The following CRTAM variants were observed in gnomAD, a reference collection of about 807,000 sequenced individuals.
CRTAM encodes the protein cytotoxic and regulatory T cell molecule.
Under a neutral mutation model 50.0 loss-of-function variants are expected in CRTAM, and 44 were observed. The ratio of observed to expected loss-of-function variants is 0.88; its 90% CI spans 0.69 to 1.13. The LOEUF is 1.13. Among genes scored for constraint, CRTAM ranks in the 50% most tolerant of loss-of-function variants. The probability of loss-of-function intolerance (pLI) is 0.00; values close to 1 mark genes in which losing one functional copy is unlikely to be tolerated. For synonymous variants in CRTAM, 159 were observed against 169.3 expected (o/e 0.94, Z 0.47); for missense variants, 448 against 457.5 (o/e 0.98, Z 0.19).
At chr11:122,842,064 A>G (rs1398661895) in intron 1 of CRTAM, among the ~76,000 whole-genome samples, 2 of 152,182 alleles carry the variant, frequency 1.3e-5, no homozygotes, top group African/African-American at 4.8e-5. Flanking sequence ...AGAAAAAGAC[A>G]AACTATCTTC....
At chr11:122,843,145 A>G (rs1342708039) in intron 1 of CRTAM, among the ~76,000 whole-genome samples, 2 of 152,234 alleles carry the variant, frequency 1.3e-5, no homozygotes, top group African/African-American at 4.8e-5. Flanking sequence ...ACTTTGGTAG[A>G]TGGCTGTTAC....
chr11:122,867,676 G>A, intron 8 of CRTAM, 121 bp downstream of exon 8: 1 of 989,170 alleles, frequency 1.0e-6, no homozygotes, highest in Non-Finnish European at 1.5e-6. Flanking sequence ...GATAAGTGCT[G>A]TCTCAGATAA....
chr11:122,870,219 T>C (rs111536836), intron 9 of CRTAM, among the ~76,000 whole-genome samples: 2,337 of 152,214 alleles, frequency 0.015, 66 homozygotes, highest in African/African-American at 0.053. Context: ...TAGCTGGGAC[T>C]ACAGGCACGC....
intron 6 of CRTAM, among the ~76,000 whole-genome samples, chr11:122,863,681 A>G (rs1308170082): frequency 6.6e-6 from 1 of 152,252 alleles, no homozygotes; most frequent in African/African-American, 2.4e-5. Flanking sequence ...GAAGTGGAAC[A>G]GCCACATCAC....
chr11:122,853,960 A>C lies in CRTAM; in HGVS notation c.364A>C (p.Ile122Leu), dbSNP rs34582500. The C allele has an allele frequency of 6.2e-7, 1 of 1,614,052 alleles. No individual in the cohort carries two copies. Among genetic ancestry groups the C allele is most frequent in the Non-Finnish European group, 8.5e-7 (1 of 1,179,994 alleles). The change falls in exon 4 of 10, where the codon ATC becomes CTC. Residue 122 changes from isoleucine to leucine, a missense_variant. By Grantham distance (5) the Ile-to-Leu change is conservative. Coordinates refer to ENST00000227348, the MANE Select transcript of CRTAM (RefSeq NM_019604.4). The part of the protein sequence containing the change: ...VIVLATPFKP[I>L]LEASVIRKQN... ...TGTTCTAGCAACTCCTTTCAAGCCA[A>C]TCCTGGAAGCTTCAGTTATCAGAAA...
At chr11:122,867,257 CTT>C in intron 7 of CRTAM, 150 bp from the exon 8 acceptor site, 1 of 617,664 alleles carries the variant, frequency 1.6e-6, no homozygotes, top group South Asian at 2.7e-5. Context: ...ATGTAAGTCT[CTT>C]TACCTTCAGG....
At chr11:122,867,299 G>A (rs1862189286) in intron 7 of CRTAM, 110 bp from the exon 8 acceptor site, 3 of 906,466 alleles carry the variant, frequency 3.3e-6, no homozygotes, top group Non-Finnish European at 4.9e-6. Context: ...CTTCATCTGA[G>A]CTGTCTATTA....
intron 7 of CRTAM, 38 bp from the exon 8 acceptor site, chr11:122,867,367 AAAAC>A: frequency 6.4e-7 from 1 of 1,565,260 alleles, no homozygotes; most frequent in South Asian, 1.2e-5. Flanking sequence ...AAAAAAAAAA[AAAAC>A]CCAAAGTATC....
At chr11:122,854,231 TA>T in intron 4 of CRTAM, 145 bp downstream of exon 4, 1 of 762,056 alleles carries the variant, frequency 1.3e-6, no homozygotes, top group African/African-American at 1.8e-5. Context: ...AAGTTATTCT[TA>T]CAACCAATCA....
chr11:122,846,914 G>C lies in CRTAM; in HGVS notation c.47-3154G>C, dbSNP rs1861870719. On this transcript the variant is annotated intron_variant, in intron 1 of 9. Transcript: ENST00000227348. ...AATAATAAATAGTCCTGTAACACTG[G>C]GGAAGGAGATCCCTAGTGAAGAGCT... Among the ~76,000 whole-genome samples the C allele has an allele frequency of 2.0e-5, 3 of 152,146 alleles. No homozygotes were observed. The South Asian group carries it at 6.2e-4, about 32-fold the overall frequency.
At chr11:122,862,915 C>T (rs1383358911) in intron 6 of CRTAM, among the ~76,000 whole-genome samples, 2 of 152,166 alleles carry the variant, frequency 1.3e-5, no homozygotes, top group Non-Finnish European at 2.9e-5. Context: ...CTGAAGCACA[C>T]CAAACACAAA....
chr11:122,852,364 A>C (rs1286833718), intron 3 of CRTAM, among the ~76,000 whole-genome samples: 2 of 152,186 alleles, frequency 1.3e-5, no homozygotes, highest in Admixed American at 1.3e-4. Context: ...GGAGGTGCGG[A>C]TAGGAAGTGA....
intron 5 of CRTAM, 105 bp from the exon 6 acceptor site, chr11:122,862,359 A>G (rs1312332452): frequency 1.3e-6 from 1 of 756,092 alleles, no homozygotes; most frequent in Non-Finnish European, 2.4e-6. Context: ...CACAACCTCT[A>G]CAAGCAGGTA....
intron 6 of CRTAM, among the ~76,000 whole-genome samples, chr11:122,862,918 A>AT (rs1862106672): frequency 6.6e-6 from 1 of 152,236 alleles, no homozygotes; most frequent in Non-Finnish European, 1.5e-5. Context: ...AAGCACACCA[A>AT]ACACAAAACA....
chr11:122,864,755 G>A lies in CRTAM; in HGVS notation c.817+36G>A, dbSNP rs148322050. 228 of 1,458,496 alleles carry A rather than the reference G, an allele frequency of 1.6e-4. 1 individual carries two copies. The African/African-American group carries it at 2.4e-3, about 15-fold the overall frequency. 90.3% of individuals were successfully genotyped at this position (1,458,496 alleles called of 1,614,324 possible). A position where few individuals can be genotyped will look rare whatever the true frequency, so the allele number is the denominator to read the frequency against. On this transcript the variant is annotated intron_variant, in intron 7 of 9. Coordinates refer to ENST00000227348, the MANE Select transcript of CRTAM (RefSeq NM_019604.4). ...CCCACTGCATTTAGAATAAACACTC[G>A]ACATTTTAACCTCTTAATCGATAAA...
chr11:122,845,549 A>G (rs1171203340), intron 1 of CRTAM, among the ~76,000 whole-genome samples: 2 of 152,098 alleles, frequency 1.3e-5, no homozygotes, highest in East Asian at 3.9e-4. Context: ...TGTACTAAAA[A>G]TACAAAAATT....
intron 1 of CRTAM, among the ~76,000 whole-genome samples, chr11:122,842,542 G>A (rs765362646): frequency 6.6e-6 from 1 of 152,156 alleles, no homozygotes; most frequent in Non-Finnish European, 1.5e-5. Flanking sequence ...GCCTCCCAAA[G>A]TGCTGGGATT....
At chr11:122,867,152 C>T (rs1350718473) in intron 7 of CRTAM, among the ~76,000 whole-genome samples, 1 of 152,048 alleles carries the variant, frequency 6.6e-6, no homozygotes, top group African/African-American at 2.4e-5. Context: ...AATAACTAGC[C>T]CAATAGCTAC....
At chr11:122,840,243 G>A (rs1310381030) in intron 1 of CRTAM, among the ~76,000 whole-genome samples, 1 of 152,106 alleles carries the variant, frequency 6.6e-6, no homozygotes, top group African/African-American at 2.4e-5. Context: ...TGAGTACTTT[G>A]TGTTAATTAC....
Sources: gnomAD v4.1 joint callset for allele counts (sites outside exome capture counted in the v4.1 genomes callset) on GRCh38, gnomAD v4.1.1 for gene constraint, MANE v1.5 for transcripts, NCBI Gene and HGNC (gene_info 2026-07-23, HGNC 2026-07-21) for gene names.